The following CELSR3 variants were observed in gnomAD, a reference collection of about 807,000 sequenced individuals.
CELSR3 encodes cadherin EGF LAG seven-pass G-type receptor 3, also known as EGF-like protein 1.
CELSR3 carries 73 observed loss-of-function variants against 270.0 expected under a neutral mutation model. The ratio of observed to expected loss-of-function variants is 0.27; its 90% CI spans 0.22 to 0.33. The LOEUF is 0.33. CELSR3 is among the 10% of genes least tolerant of loss of function. The probability of loss-of-function intolerance (pLI) is 1.00; values close to 1 mark genes in which losing one functional copy is unlikely to be tolerated. For missense variants in CELSR3, 3,614 were observed against 4,533.8 expected (o/e 0.80, Z 5.83); for synonymous variants, 1,780 against 1,905.4 (o/e 0.93, Z 1.71).
At chr3:48,643,772 A>C (rs961416793) in intron 27 of CELSR3, 95 bp from the exon 28 acceptor site, 4 of 1,424,338 alleles carry the variant, frequency 2.8e-6, no homozygotes, top group Admixed American at 2.5e-5. Flanking sequence ...GCCACACACG[A>C]AACGTGAAAA....
Position 48,652,928 on chromosome 3 carries a change from C to G in CELSR3, c.5634+74G>C. The G allele has an allele frequency of 8.0e-7, 1 of 1,248,568 alleles. No homozygotes were observed. Among genetic ancestry groups the G allele is most frequent in the Non-Finnish European group, 1.2e-6 (1 of 864,158 alleles). The allele number at this position is 1,248,568 out of a possible 1,614,324, so 77.3% of individuals were successfully genotyped here. On this transcript the variant is annotated intron_variant, in intron 10 of 34. Transcript: ENST00000164024. This position sits in a 1 kb window ranked among gnomAD's most constrained non-coding sequence, Gnocchi z 4.3. The stretch of plus-strand genomic sequence containing the variant: ...GTGGAGGGAACTGAGAGGAGCTGGA[C>G]TAGAGGTGGGGTCAAATAAGGCGGA...
chr3:48,648,111 C>A, intron 19 of CELSR3, 115 bp from the exon 20 acceptor site: 1 of 1,462,238 alleles, frequency 6.8e-7, no homozygotes, highest in Non-Finnish European at 9.3e-7. Context: ...TTCTGTGCTA[C>A]CAGCTCGGAG....
At position 48,637,914 on chromosome 3, in the gene CELSR3, G is replaced by T; in HGVS notation, c.*291C>A. 2.8e-6 allele frequency: 1 copy of T among 352,382 alleles called. No homozygotes were observed. Among genetic ancestry groups the T allele is most frequent in the Admixed American group, 4.0e-5 (1 of 24,692 alleles). 21.8% of individuals were successfully genotyped at this position (352,382 alleles called of 1,614,324 possible). On this transcript the variant is annotated 3_prime_UTR_variant, in exon 35 of 35. Transcript: ENST00000164024. ...CTATCTCCCTCCCCCTCCCAGCCCA[G>T]CCTCAAACCCCCCAGGAGACAGAAA...
In CELSR3 at chr3:48,648,251, C is replaced by T; in HGVS notation, c.6973+15G>A. 1 of 1,574,858 alleles carries T rather than the reference C, an allele frequency of 6.3e-7. No individual in the cohort carries two copies. The highest frequency in any genetic ancestry group is 8.7e-7 in the Non-Finnish European group (1 of 1,149,008). On this transcript the variant is annotated intron_variant, in intron 19 of 34. Transcript: ENST00000164024. Reference sequence around the variant, plus strand: ...CCCCCCTGCTGTGCCCCGCCCTACCCCACCCACAACGCACTGATATTAGGC... The same window carrying T: ...CCCCCCTGCTGTGCCCCGCCCTACCTCACCCACAACGCACTGATATTAGGC...
chr3:48,656,550 C>T, intron 2 of CELSR3, 148 bp downstream of exon 2: 7 of 1,245,286 alleles, frequency 5.6e-6, no homozygotes, highest in Non-Finnish European at 7.4e-6. Context: ...GCGGCGGCCC[C>T]TTCCGGCCAC....
In CELSR3 at chr3:48,644,360, G is replaced by T; in HGVS notation, c.8086-65C>A. The T allele has an allele frequency of 7.3e-7, 1 of 1,376,466 alleles. No individual in the cohort carries two copies. Among genetic ancestry groups the T allele is most frequent in the Non-Finnish European group, 1.0e-6 (1 of 967,660 alleles). 85.3% of individuals were successfully genotyped at this position (1,376,466 alleles called of 1,614,324 possible). A position where few individuals can be genotyped will look rare whatever the true frequency, so the allele number is the denominator to read the frequency against. On this transcript the variant is annotated intron_variant, in intron 26 of 34. Coordinates refer to ENST00000164024, the MANE Select transcript of CELSR3 (RefSeq NM_001407.3). This position sits in a 1 kb window ranked among gnomAD's most constrained non-coding sequence, Gnocchi z 4.8. ...AGAGAGAGAGAGAGAGAGAGGCAAT[G>T]AGAGACAGAGAGAGACTAAGATTCA...
chr3:48,640,592 G>C lies in CELSR3; in HGVS notation c.9026-33C>G, dbSNP rs771576097. ...AGGAAGAAAATGGGGGGCAGGGTTT[G>C]TGTGGGAGGGGGAGGGCAGGCAGGA... On this transcript the variant is annotated intron_variant, in intron 33 of 34. Transcript: ENST00000164024. This position sits in a 1 kb window ranked among gnomAD's most constrained non-coding sequence, Gnocchi z 7.5. 42 of 1,508,192 alleles carry C rather than the reference G, an allele frequency of 2.8e-5. No individual in the cohort carries two copies. The African/African-American group carries it at 4.6e-4, about 16-fold the overall frequency. 93.4% of individuals were successfully genotyped at this position (1,508,192 alleles called of 1,614,324 possible).
rs761278646 is a variant in CELSR3, at chr3:48,638,143, C to T, written c.*62G>A. The T allele has an allele frequency of 1.3e-5, 19 of 1,489,884 alleles. No homozygotes were observed. The highest frequency in any genetic ancestry group is 1.8e-5 in the Non-Finnish European group (19 of 1,068,488). 92.3% of individuals were successfully genotyped at this position (1,489,884 alleles called of 1,614,324 possible). ...TGGGATCTGCCCCCACTCCTGGAGT[C>T]TCTCCTGTTAGCCTAGATCCTCTGT... On this transcript the variant is annotated 3_prime_UTR_variant, in exon 35 of 35. Coordinates refer to ENST00000164024, the MANE Select transcript of CELSR3 (RefSeq NM_001407.3).
In CELSR3 at chr3:48,657,468, A is replaced by ACC. The variant is rs1473375453; in HGVS notation, c.3749-122_3749-121dup. On this transcript the variant is annotated intron_variant, in intron 1 of 34. Coordinates refer to ENST00000164024, the MANE Select transcript of CELSR3 (RefSeq NM_001407.3). This position sits in a 1 kb window ranked among gnomAD's most constrained non-coding sequence, Gnocchi z 5.4. ...CCAGAACCTCTAAGTCAGCAGGCTG[A>ACC]CCCCACCAGGACACAAGGGAGTCTG... 7 of 1,069,550 alleles carry ACC rather than the reference A, an allele frequency of 6.5e-6. No individual in the cohort carries two copies. The highest frequency in any genetic ancestry group is 7.8e-6 in the Non-Finnish European group (6 of 766,620). 66.3% of individuals were successfully genotyped at this position (1,069,550 alleles called of 1,614,324 possible).
chr3:48,657,367 G>T lies in CELSR3; in HGVS notation c.3749-19C>A. 2 of 1,560,422 alleles carry T rather than the reference G, an allele frequency of 1.3e-6. No individual in the cohort carries two copies. Among genetic ancestry groups the T allele is most frequent in the Non-Finnish European group, 1.7e-6 (2 of 1,153,846 alleles). On this transcript the variant is annotated intron_variant, in intron 1 of 34. Transcript: ENST00000164024. The surrounding 1 kb of genome is among the most constrained non-coding windows in gnomAD (Gnocchi z 5.4). ...AGGCCATCTGCAGGCGGGGGCAGGG[G>T]CAGTGGTCATCCTGGGGACAGTGGC...
Position 48,654,119 on chromosome 3 carries a change from C to T in CELSR3, c.5153-116G>A. On this transcript the variant is annotated intron_variant, in intron 7 of 34. Coordinates refer to ENST00000164024, the MANE Select transcript of CELSR3 (RefSeq NM_001407.3). The surrounding 1 kb of genome is among the most constrained non-coding windows in gnomAD (Gnocchi z 5.4). Reference sequence around the variant, plus strand: ...AGACCAAGATCTCAGCCCCATTTCCCATTTTCTTTCGATGAGTGGGGTTGG... The same window carrying T: ...AGACCAAGATCTCAGCCCCATTTCCTATTTTCTTTCGATGAGTGGGGTTGG... 6.6e-7 allele frequency: 1 copy of T among 1,514,492 alleles called. No homozygotes were observed. Among genetic ancestry groups the T allele is most frequent in the Non-Finnish European group, 8.9e-7 (1 of 1,121,838 alleles). 93.8% of individuals were successfully genotyped at this position (1,514,492 alleles called of 1,614,324 possible). A position where few individuals can be genotyped will look rare whatever the true frequency, so the allele number is the denominator to read the frequency against.
At position 48,662,552 on chromosome 3, in the gene CELSR3, G is replaced by T; in HGVS notation, c.83C>A (p.Pro28His). 1 of 1,587,592 alleles carries T rather than the reference G, an allele frequency of 6.3e-7. No homozygotes were observed. The highest frequency in any genetic ancestry group is 8.6e-7 in the Non-Finnish European group (1 of 1,167,380). The change falls in exon 1 of 35, where the codon CCC (proline) becomes CAC (histidine). Residue 28 changes from proline to histidine, a missense_variant. Pro to His is a moderately conservative substitution (Grantham distance 77). This residue lies in a region of CELSR3 where 470 missense variants were observed against 469.7 expected (regional missense o/e 1.00). Transcript: ENST00000164024. The surrounding 1 kb of genome is among the most constrained non-coding windows in gnomAD (Gnocchi z 7.1). The part of the protein sequence containing the change: ...ILLLLLLSLF[P>H]LSQEELGGGG... ...GCCCCCCAGCTCCTCCTGGCTGAGGGGGAACAAAGAGAGGAGAAGGAGCAG... is the reference window on the plus strand; with the variant it reads ...GCCCCCCAGCTCCTCCTGGCTGAGGTGGAACAAAGAGAGGAGAAGGAGCAG...
Position 48,659,107 on chromosome 3 carries a change from G to A in CELSR3, c.3528C>T (p.Phe1176=). The A allele has an allele frequency of 1.2e-6, 2 of 1,614,216 alleles. No individual in the cohort carries two copies. Among genetic ancestry groups the A allele is most frequent in the South Asian group, 2.2e-5 (2 of 91,084 alleles). Residue 1176 remains phenylalanine (F), a synonymous_variant, in exon 1 of 35, where the codon TTC becomes TTT. Coordinates refer to ENST00000164024, the MANE Select transcript of CELSR3 (RefSeq NM_001407.3). The surrounding 1 kb of genome is among the most constrained non-coding windows in gnomAD (Gnocchi z 8.1). ...CTGAACGGTTGGATACATAGTTGTT[G>A]AAGAGGATCTGGAAGTTGTTGAGCA... ...SPVLNNFQIL[F]NNYVSNRSDT... is the part of the protein sequence containing the mutation.
At chr3:48,656,530 C>T (rs1162142824) in intron 2 of CELSR3, among the ~76,000 whole-genome samples, 165 bp from the exon 3 acceptor site, 1 of 152,226 alleles carries the variant, frequency 6.6e-6, no homozygotes, top group Non-Finnish European at 1.5e-5. Context: ...CCAGTCTCAT[C>T]GCTGCCTCGG....
At position 48,646,864 on chromosome 3, in the gene CELSR3, C is replaced by G; in HGVS notation, c.7194G>C (p.Pro2398=). 1.3e-6 allele frequency: 2 copies of G among 1,592,748 alleles called. No individual in the cohort carries two copies. The highest frequency in any genetic ancestry group is 1.1e-5 in the South Asian group (1 of 88,508). The stretch of plus-strand genomic sequence containing the variant: ...TGGAGATCCCAGGCTCTGGCTCTGG[C>G]GGGGCTGGTGGGGGGACCACACTTG... The part of the protein sequence containing the change: ...TTSSVVPPPA[P]PEPEPGISII... Residue 2398 remains proline (P), a synonymous_variant, in exon 21 of 35, where the codon CCG becomes CCC. Transcript: ENST00000164024. The surrounding 1 kb of genome is among the most constrained non-coding windows in gnomAD (Gnocchi z 4.8).
chr3:48,643,702 CAGG>C (rs1271261223), intron 27 of CELSR3, 25 bp from the exon 28 acceptor site: 6 of 1,550,950 alleles, frequency 3.9e-6, no homozygotes, highest in Non-Finnish European at 5.2e-6. Flanking sequence ...TGGGAAGACA[CAGG>C]AGGACATGCA....
In CELSR3 at chr3:48,655,630, C is replaced by T. The variant is rs1386891091; in HGVS notation, c.4741+106G>A. The T allele has an allele frequency of 2.9e-6, 3 of 1,024,030 alleles. No individual in the cohort carries two copies. Among genetic ancestry groups the T allele is most frequent in the South Asian group, 1.3e-5 (1 of 74,740 alleles). 63.4% of individuals were successfully genotyped at this position (1,024,030 alleles called of 1,614,324 possible). On this transcript the variant is annotated intron_variant, in intron 4 of 34. Transcript: ENST00000164024. This position sits in a 1 kb window ranked among gnomAD's most constrained non-coding sequence, Gnocchi z 5.8. ...AGCTAGGTCTTCAGGGCTTGCATGGCGTGGAGTGTGTGCTCAGGTGCACAG... is the reference window on the plus strand; with the variant it reads ...AGCTAGGTCTTCAGGGCTTGCATGGTGTGGAGTGTGTGCTCAGGTGCACAG...
Position 48,650,202 on chromosome 3 carries a change from G to A in CELSR3, c.6472+278C>T, listed in dbSNP as rs1273360084. On this transcript the variant is annotated intron_variant, in intron 16 of 34. Transcript: ENST00000164024. The surrounding 1 kb of genome is among the most constrained non-coding windows in gnomAD (Gnocchi z 5.1). ...AGGGAGGGGTCTGCAGGGACCTCAG[G>A]CAGCAGGAGGGGTCTGCAAAAGCTC... 2 of 564,906 alleles carry A rather than the reference G, an allele frequency of 3.5e-6. No homozygotes were observed. Among genetic ancestry groups the A allele is most frequent in the Non-Finnish European group, 6.7e-6 (2 of 297,000 alleles). 35.0% of individuals were successfully genotyped at this position (564,906 alleles called of 1,614,324 possible).
intron 3 of CELSR3, 138 bp downstream of exon 3, chr3:48,656,002 G>A (rs2047177407): frequency 1.7e-6 from 2 of 1,142,864 alleles, no homozygotes; most frequent in Admixed American, 2.0e-5. Flanking sequence ...GGTGCAGCGA[G>A]GTCAGGAGAC....
Sources: allele counts gnomAD v4.1 joint callset (sites outside exome capture counted in the v4.1 genomes callset), GRCh38; gene constraint gnomAD v4.1.1; regional missense constraint gnomAD v4.1.1; non-coding constraint Gnocchi (gnomAD v3.1); transcripts MANE v1.5; gene names NCBI Gene and HGNC (gene_info 2026-07-23, HGNC 2026-07-21).